The following TINAG variants were observed in gnomAD, a reference collection of about 807,000 sequenced individuals.
The protein encoded by TINAG is tubulointerstitial nephritis antigen.
In TINAG, 83 loss-of-function variants were observed where a neutral mutation model predicts 72.7. The observed-to-expected ratio is 1.14, with a 90% CI of 0.96 to 1.37. TINAG has a LOEUF of 1.37. Among genes scored for constraint, TINAG ranks in the 40% most tolerant of loss-of-function variants. The probability of loss-of-function intolerance (pLI) is 0.00; values close to 1 mark genes in which losing one functional copy is unlikely to be tolerated. For synonymous variants in TINAG, 234 were observed against 189.9 expected, an observed-to-expected ratio of 1.23 and a Z score of -1.91; for missense variants, 685 against 576.6, an observed-to-expected ratio of 1.19 and a Z score of -1.93.
At chr6:54,313,021 C>A (rs1486505794) in intron 1 of TINAG, among the ~76,000 whole-genome samples, 1 of 151,998 alleles carries the variant, frequency 6.6e-6, no homozygotes, top group Non-Finnish European at 1.5e-5. Context: ...TGGGCCATTA[C>A]TATTGCAGGT....
At position 54,319,840 on chromosome 6, in the gene TINAG, T is replaced by C. The variant is rs144972955; in HGVS notation, c.356-739T>C. ...TTGAGTCCCTTTTGCTAATTCAATG[T>C]TAATTTTGAATTTGAGCAGATTATA... On this transcript the variant is annotated intron_variant, in intron 1 of 10. Coordinates refer to ENST00000259782, the MANE Select transcript of TINAG (RefSeq NM_014464.4). Among the ~76,000 whole-genome samples the C allele has an allele frequency of 6.1e-3, 923 of 152,268 alleles. 31 individuals are homozygous for C. The highest frequency in any genetic ancestry group is 0.052 in the Admixed American group (790 of 15,286).
chr6:54,381,725 A>G (rs1047937331), intron 10 of TINAG, among the ~76,000 whole-genome samples: 4 of 152,146 alleles, frequency 2.6e-5, no homozygotes, highest in African/African-American at 7.2e-5. Flanking sequence ...ATAAACTAGG[A>G]TATGTTATTT....
At chr6:54,308,973 C>T in intron 1 of TINAG, 68 bp downstream of exon 1, 6 of 1,261,634 alleles carry the variant, frequency 4.8e-6, no homozygotes, top group Non-Finnish European at 6.6e-6. Context: ...AACGTTCTCT[C>T]TTTTTCTTCT....
At chr6:54,333,748 C>T (rs1319403390) in intron 4 of TINAG, among the ~76,000 whole-genome samples, 1 of 152,108 alleles carries the variant, frequency 6.6e-6, no homozygotes, top group African/African-American at 2.4e-5. Context: ...GCCAGTACTT[C>T]AGCAAGTCAT....
At chr6:54,374,646 A>G (rs1422908615) in intron 9 of TINAG, among the ~76,000 whole-genome samples, 1 of 152,052 alleles carries the variant, frequency 6.6e-6, no homozygotes, top group Admixed American at 6.6e-5. Context: ...TGTAATGGGA[A>G]CTAAGACTCT....
chr6:54,374,772 T>C (rs1232662528), intron 9 of TINAG, among the ~76,000 whole-genome samples: 1 of 152,084 alleles, frequency 6.6e-6, no homozygotes, highest in Non-Finnish European at 1.5e-5. Flanking sequence ...TGAGTTTCAT[T>C]TCCTTAATAA....
In TINAG at chr6:54,308,494, C is replaced by G; in HGVS notation, c.-57C>G. 6.9e-7 allele frequency: 1 copy of G among 1,455,926 alleles called. No homozygotes were observed. The highest frequency in any genetic ancestry group is 9.3e-7 in the Non-Finnish European group (1 of 1,076,996). The allele number at this position is 1,455,926 out of a possible 1,614,324, so 90.2% of individuals were successfully genotyped here. A position where few individuals can be genotyped will look rare whatever the true frequency, so the allele number is the denominator to read the frequency against. On this transcript the variant is annotated 5_prime_UTR_variant, in exon 1 of 11. Coordinates refer to ENST00000259782, the MANE Select transcript of TINAG (RefSeq NM_014464.4). Reference sequence around the variant, plus strand: ...AATTCAGGTTCCAAGGAGAAGCCCACAAGGCTAAGGGTATTGGATATAACG... The same window carrying G: ...AATTCAGGTTCCAAGGAGAAGCCCAGAAGGCTAAGGGTATTGGATATAACG...
chr6:54,387,055 A>C (rs1165206043), intron 10 of TINAG, among the ~76,000 whole-genome samples: 1 of 152,168 alleles, frequency 6.6e-6, no homozygotes, highest in Non-Finnish European at 1.5e-5. Flanking sequence ...ACATTCTTAC[A>C]AATATATAGG....
intron 6 of TINAG, among the ~76,000 whole-genome samples, chr6:54,348,808 A>G (rs560025850): frequency 2.1e-3 from 315 of 152,252 alleles, no homozygotes; most frequent in African/African-American, 6.6e-3. Flanking sequence ...AATGCATTTA[A>G]TGCAATATTT....
chr6:54,370,452 A>T (rs886484919), intron 9 of TINAG, among the ~76,000 whole-genome samples: 2 of 152,018 alleles, frequency 1.3e-5, no homozygotes, highest in African/African-American at 4.8e-5. Context: ...GAAATATATA[A>T]TATGAAATAG....
intron 4 of TINAG, among the ~76,000 whole-genome samples, chr6:54,330,982 A>G (rs1466689535): frequency 6.6e-6 from 1 of 152,198 alleles, no homozygotes; most frequent in African/African-American, 2.4e-5. Flanking sequence ...TACCAACCAA[A>G]AAAGTCTAGG....
At chr6:54,348,370 T>C (rs550985413) in intron 6 of TINAG, among the ~76,000 whole-genome samples, 3 of 152,250 alleles carry the variant, frequency 2.0e-5, no homozygotes, top group Admixed American at 2.0e-4. Context: ...TGATAAAAAA[T>C]AACAGCCCTT....
intron 6 of TINAG, among the ~76,000 whole-genome samples, chr6:54,348,563 G>A (rs1315389999): frequency 6.6e-6 from 1 of 152,006 alleles, no homozygotes; most frequent in Non-Finnish European, 1.5e-5. Context: ...CTGGCTTTCA[G>A]ATGGACACCT....
chr6:54,371,934 G>A (rs886899191), intron 9 of TINAG, among the ~76,000 whole-genome samples: 2 of 139,998 alleles, frequency 1.4e-5, no homozygotes, highest in Non-Finnish European at 3.1e-5. Context: ...ATTATACAAA[G>A]TTTGAGATTA....
intron 4 of TINAG, among the ~76,000 whole-genome samples, chr6:54,342,080 T>A (rs1429842794): frequency 1.3e-5 from 2 of 152,156 alleles, no homozygotes; most frequent in Admixed American, 1.3e-4. Context: ...TGTGTGTGTG[T>A]GTGAGAACAC....
intron 7 of TINAG, among the ~76,000 whole-genome samples, chr6:54,350,634 T>A (rs1274205042): frequency 1.3e-5 from 2 of 148,180 alleles, no homozygotes; most frequent in Non-Finnish European, 3.0e-5. Context: ...CTGATGCAAA[T>A]GGTTATCAAG....
intron 9 of TINAG, among the ~76,000 whole-genome samples, chr6:54,370,688 T>C (rs2150974732): frequency 6.6e-6 from 1 of 152,172 alleles, no homozygotes; most frequent in South Asian, 2.1e-4. Context: ...CCCACAGGAC[T>C]GTTGGGATCT....
At chr6:54,310,443 CTCTT>C (rs1213082685) in intron 1 of TINAG, among the ~76,000 whole-genome samples, 41 of 151,032 alleles carry the variant, frequency 2.7e-4, no homozygotes, top group Non-Finnish European at 3.4e-4. Context: ...CCTTCTTTCT[CTCTT>C]TCTGTCTCTC....
intron 4 of TINAG, among the ~76,000 whole-genome samples, chr6:54,336,047 G>A (rs1464456047): frequency 6.6e-6 from 1 of 151,954 alleles, no homozygotes; most frequent in Non-Finnish European, 1.5e-5. Flanking sequence ...TCCTTCCCTG[G>A]CTGGTTTCCT....
Sources: gnomAD v4.1 joint callset for allele counts (sites outside exome capture counted in the v4.1 genomes callset) on GRCh38, gnomAD v4.1.1 for gene constraint, MANE v1.5 for transcripts, NCBI Gene and HGNC (gene_info 2026-07-23, HGNC 2026-07-21) for gene names.